Variants in LMF1 observed in about 807,000 individuals in gnomAD.
LMF1 encodes transmembrane protein 112.
LMF1 carries 68 observed loss-of-function variants against 60.6 expected under a neutral mutation model. That is an observed-to-expected ratio of 1.12 (90% CI 0.92 to 1.37). The LOEUF is 1.37. Ranked by LOEUF, LMF1 falls within the 40% of genes most tolerant of loss-of-function variation. The pLI is 0.00. For missense variants in LMF1, 948 were observed against 767.2 expected (o/e 1.24, Z -2.78); for synonymous variants, 418 against 324.7 (o/e 1.29, Z -3.09).
At chr16:875,014 C>A (rs1355205426) in intron 6 of LMF1, among the ~76,000 whole-genome samples, 2 of 152,198 alleles carry the variant, frequency 1.3e-5, no homozygotes, top group Non-Finnish European at 2.9e-5. Context: ...GGCCGACCAT[C>A]TTGTCTTCCA....
chr16:883,138 G>A (rs1335090331), intron 5 of LMF1, among the ~76,000 whole-genome samples: 1 of 150,438 alleles, frequency 6.6e-6, no homozygotes, highest in East Asian at 2.0e-4. Context: ...AGGACCAGGA[G>A]AAAGAGGAGC....
In LMF1 at chr16:962,658, C is replaced by T. The variant is rs1480489962; in HGVS notation, c.194-7992G>A. Among the ~76,000 whole-genome samples, 1 of 152,182 alleles carries T rather than the reference C, an allele frequency of 6.6e-6. No individual in the cohort carries two copies. Among genetic ancestry groups the T allele is most frequent in the East Asian group, 1.9e-4 (1 of 5,194 alleles). ...ACGCTCTACAGACGCCATGACAGGC[C>T]TGCTTGACACTGTCAAGGTCGGAAT... is the stretch of plus-strand genomic sequence containing the variant. On this transcript the variant is annotated intron_variant, in intron 1 of 10. Coordinates refer to ENST00000262301, the MANE Select transcript of LMF1 (RefSeq NM_022773.4). This position sits in a 1 kb window ranked among gnomAD's most constrained non-coding sequence, Gnocchi z 4.5.
rs2072307447 is a variant in LMF1, at chr16:948,348, AATG to A, written c.503+6006_503+6008del. On this transcript the variant is annotated intron_variant, in intron 2 of 10. Transcript: ENST00000262301. ...CAGAGACAACGACAGAGTCAGAGCC[AATG>A]ACAGAGTCAGAGCCAACGACAGAGT... 4.0e-5 allele frequency among the ~76,000 whole-genome samples: 6 copies of A among 150,856 alleles called. 1 individual carries two copies. The highest frequency in any genetic ancestry group is 1.5e-4 in the African/African-American group (6 of 40,902).
intron 4 of LMF1, chr16:899,599 T>C (rs944573063): frequency 6.6e-6 from 1 of 152,240 alleles, no homozygotes; most frequent in African/African-American, 2.4e-5. Context: ...TTAATGTGAT[T>C]TCATCAGTGG....
chr16:941,504 T>G (rs761177661), intron 2 of LMF1, among the ~76,000 whole-genome samples: 8 of 152,248 alleles, frequency 5.3e-5, no homozygotes, highest in Non-Finnish European at 7.3e-5. Flanking sequence ...ATTACAGGTA[T>G]GAGCCACCAT....
chr16:911,559 ACT>A, intron 3 of LMF1, among the ~76,000 whole-genome samples: 1 of 68,624 alleles, frequency 1.5e-5, no homozygotes, highest in Non-Finnish European at 2.7e-5. Context: ...GGGGGGCAGC[ACT>A]TGGGGGAGGC....
chr16:890,292 C>G (rs554974053), intron 5 of LMF1, among the ~76,000 whole-genome samples: 58 of 152,344 alleles, frequency 3.8e-4, no homozygotes, highest in African/African-American at 1.4e-3. Context: ...AAGGGGCCCC[C>G]GGGAAGCAAG....
chr16:974,768 C>G (rs2073104183), upstream of LMF1, among the ~76,000 whole-genome samples: 1 of 152,354 alleles, frequency 6.6e-6, no homozygotes, highest in South Asian at 2.1e-4. Context: ...CCCCCAGCAC[C>G]CCGGCCTGGC....
intron 10 of LMF1, among the ~76,000 whole-genome samples, chr16:856,704 G>A (rs1222710812): frequency 2.0e-5 from 3 of 152,250 alleles, no homozygotes; most frequent in Non-Finnish European, 4.4e-5. Context: ...CAGGTTGGTG[G>A]GAAGGGGCCC....
At chr16:931,258 T>A (rs1400898003) in intron 3 of LMF1, among the ~76,000 whole-genome samples, 1 of 152,232 alleles carries the variant, frequency 6.6e-6, no homozygotes, top group African/African-American at 2.4e-5. Flanking sequence ...TAGAAACACA[T>A]GTGCCCAGTG....
intron 1 of LMF1, among the ~76,000 whole-genome samples, chr16:965,089 AGCCCCTCCGTTCCC>A (rs2072897527): frequency 6.6e-6 from 1 of 152,218 alleles, no homozygotes; most frequent in Admixed American, 6.5e-5. Flanking sequence ...GAGCAAGAAA[AGCCCCTCCGTTCCC>A]GCCAGCGTTG....
intron 10 of LMF1, among the ~76,000 whole-genome samples, chr16:861,618 A>G (rs1231934338): frequency 6.6e-6 from 1 of 152,150 alleles, no homozygotes; most frequent in African/African-American, 2.4e-5. Flanking sequence ...GGCCTCCCAC[A>G]GTGCTGGGAT....
intron 3 of LMF1, among the ~76,000 whole-genome samples, chr16:917,037 G>A (rs912196300): frequency 4.6e-5 from 7 of 152,306 alleles, no homozygotes; most frequent in African/African-American, 1.4e-4. Flanking sequence ...GGATGGAGAC[G>A]CCACCCAGGG....
chr16:870,335 C>T (rs908838976), intron 8 of LMF1, among the ~76,000 whole-genome samples: 6 of 152,362 alleles, frequency 3.9e-5, no homozygotes, highest in African/African-American at 1.4e-4. Flanking sequence ...CCCTCGGCAG[C>T]TCAGGGTGGA....
At chr16:920,642 T>C (rs2071408035) in intron 3 of LMF1, among the ~76,000 whole-genome samples, 1 of 152,184 alleles carries the variant, frequency 6.6e-6, no homozygotes, top group Admixed American at 6.5e-5. Flanking sequence ...TCCATGTCCG[T>C]GGAGCCACAG....
At chr16:888,150 C>A (rs2070366480) in intron 5 of LMF1, among the ~76,000 whole-genome samples, 1 of 151,860 alleles carries the variant, frequency 6.6e-6, no homozygotes, top group African/African-American at 2.4e-5. Context: ...TCGGCCCAAG[C>A]CTTGGGGTGC....
At chr16:955,120 CTAAGTAAACT>C (rs2072653419) in intron 1 of LMF1, among the ~76,000 whole-genome samples, 1 of 137,184 alleles carries the variant, frequency 7.3e-6, no homozygotes. Flanking sequence ...ACACACACAT[CTAAGTAAACT>C]AGACAAGTTA....
At chr16:951,708 C>A (rs2072473301) in intron 2 of LMF1, among the ~76,000 whole-genome samples, 1 of 152,226 alleles carries the variant, frequency 6.6e-6, no homozygotes, top group Admixed American at 6.5e-5. Context: ...GCCTCCCACG[C>A]AGGTGGGCTC....
At chr16:865,548 T>C (rs1051197431) in intron 10 of LMF1, among the ~76,000 whole-genome samples, 10 of 152,188 alleles carry the variant, frequency 6.6e-5, no homozygotes, top group Admixed American at 3.9e-4. Context: ...GACTTCACCA[T>C]GTTGGCCAGG....
Sources: gnomAD v4.1 joint callset for allele counts (sites outside exome capture counted in the v4.1 genomes callset) on GRCh38, gnomAD v4.1.1 for gene constraint, Gnocchi (gnomAD v3.1) non-coding constraint, MANE v1.5 for transcripts, NCBI Gene and HGNC (gene_info 2026-07-23, HGNC 2026-07-21) for gene names.